Variants in SPIB observed in about 807,000 individuals in gnomAD.
The protein encoded by SPIB is Spi-B transcription factor, also known as transcription factor Spi-B.
A neutral mutation model predicts 31.9 loss-of-function variants in SPIB; 7 were observed. That is an observed-to-expected ratio of 0.22 (90% CI 0.12 to 0.41). The LOEUF (loss-of-function observed/expected upper bound fraction) is 0.41. SPIB is among the 10% of genes least tolerant of loss of function. The pLI is 1.00. For missense variants in SPIB, 327 were observed against 360.2 expected (o/e 0.91, Z 0.75); for synonymous variants, 176 against 158.9 (o/e 1.11, Z -0.81).
Position 50,422,992 on chromosome 19 carries a change from G to T in SPIB, c.294G>T (p.Pro98=). 1 of 1,562,034 alleles carries T rather than the reference G, an allele frequency of 6.4e-7. No homozygotes were observed. Among genetic ancestry groups the T allele is most frequent in the Non-Finnish European group, 8.7e-7 (1 of 1,151,860 alleles). The change falls in exon 4 of 6, where the codon CCG becomes CCT. Residue 98 remains proline (P), a synonymous_variant. Coordinates refer to ENST00000595883, the MANE Select transcript of SPIB (RefSeq NM_003121.5). The stretch of plus-strand genomic sequence containing the variant: ...AACTGGCCCCCAGCCTGGAGGCCCC[G>T]GGGCCTGGCCTCCCTGCATACCCCA... The part of the protein sequence containing the change: ...NLELAPSLEA[P]GPGLPAYPTE...
chr19:50,422,714 G>T, intron 3 of SPIB, 109 bp from the exon 4 acceptor site: 1 of 1,085,320 alleles, frequency 9.2e-7, no homozygotes, highest in Non-Finnish European at 1.4e-6. Flanking sequence ...TGCAAATCCT[G>T]GGGTCAGAGA....
intron 2 of SPIB, among the ~76,000 whole-genome samples, 175 bp downstream of exon 2, chr19:50,420,148 C>T (rs981698637): frequency 2.0e-5 from 3 of 152,246 alleles, no homozygotes; most frequent in Admixed American, 1.3e-4. Flanking sequence ...CTCTCTCCCC[C>T]TCTCAGGCTT....
intron 1 of SPIB, 170 bp from the exon 2 acceptor site, chr19:50,419,776 C>T (rs1485092514): frequency 3.6e-6 from 2 of 556,158 alleles, no homozygotes; most frequent in Non-Finnish European, 6.0e-6. Flanking sequence ...CCCCCACTTC[C>T]TGTCCCAGCA....
At chr19:50,427,886 G>A (rs113427503) in intron 5 of SPIB, 152 bp from the exon 6 acceptor site, 7 of 525,184 alleles carry the variant, frequency 1.3e-5, no homozygotes, top group African/African-American at 4.6e-5. Context: ...GGTGAGGGGC[G>A]CAGAGCCAGG....
chr19:50,424,172 C>T (rs981994008), intron 5 of SPIB, among the ~76,000 whole-genome samples: 1 of 152,194 alleles, frequency 6.6e-6, no homozygotes, highest in Admixed American at 6.5e-5. Flanking sequence ...TTATGCTCAA[C>T]CCCAAGAAAG....
At chr19:50,420,119 G>A (rs747815081) in intron 2 of SPIB, 146 bp downstream of exon 2, 48 of 640,002 alleles carry the variant, frequency 7.5e-5, no homozygotes, top group Non-Finnish European at 8.4e-5. Context: ...CTGCTACCCC[G>A]CATCCGTATT....
intron 2 of SPIB, 60 bp from the exon 3 acceptor site, chr19:50,422,413 G>C: frequency 1.3e-6 from 2 of 1,509,806 alleles, no homozygotes; most frequent in Non-Finnish European, 9.2e-7. Context: ...GGTCCAGGGT[G>C]GGGGTTGGGA....
In SPIB at chr19:50,423,013, C is replaced by T; in HGVS notation, c.315C>T (p.Tyr105=). The stretch of plus-strand genomic sequence containing the variant: ...CCCCGGGGCCTGGCCTCCCTGCATA[C>T]CCCACGGAGAACTTCGCTAGCCAGG... The part of the protein sequence containing the change: ...LEAPGPGLPA[Y]PTENFASQTL... Residue 105 remains tyrosine (Y), a synonymous_variant, in exon 4 of 6, where the codon TAC becomes TAT. Coordinates refer to ENST00000595883, the MANE Select transcript of SPIB (RefSeq NM_003121.5). 1 of 1,507,516 alleles carries T rather than the reference C, an allele frequency of 6.6e-7. No individual in the cohort carries two copies. Among genetic ancestry groups the T allele is most frequent in the Non-Finnish European group, 8.9e-7 (1 of 1,119,682 alleles). 93.4% of individuals were successfully genotyped at this position (1,507,516 alleles called of 1,614,324 possible).
intron 5 of SPIB, among the ~76,000 whole-genome samples, 186 bp from the exon 6 acceptor site, chr19:50,427,849 GAGT>G (rs2039584886): frequency 7.1e-6 from 1 of 140,520 alleles, no homozygotes; most frequent in African/African-American, 2.6e-5. Context: ...CGGGCAGGGG[GAGT>G]GGCTTGCCCC....
At chr19:50,426,027 G>T (rs1180379966) in intron 5 of SPIB, among the ~76,000 whole-genome samples, 2 of 152,024 alleles carry the variant, frequency 1.3e-5, no homozygotes, top group Admixed American at 6.6e-5. Context: ...TAGCCAACAT[G>T]GTGAAACCCC....
Position 50,422,995 on chromosome 19 carries a change from G to A in SPIB, c.297G>A (p.Gly99=). The A allele has an allele frequency of 6.4e-7, 1 of 1,558,286 alleles. No homozygotes were observed. Among genetic ancestry groups the A allele is most frequent in the Non-Finnish European group, 8.7e-7 (1 of 1,150,498 alleles). Residue 99 remains glycine (G), a synonymous_variant, in exon 4 of 6, where the codon GGG becomes GGA. Transcript: ENST00000595883. Reference sequence around the variant, plus strand: ...TGGCCCCCAGCCTGGAGGCCCCGGGGCCTGGCCTCCCTGCATACCCCACGG... The same window carrying A: ...TGGCCCCCAGCCTGGAGGCCCCGGGACCTGGCCTCCCTGCATACCCCACGG... ...LELAPSLEAP[G]PGLPAYPTEN...
Position 50,428,261 on chromosome 19 carries a change from C to T in SPIB, c.714C>T (p.Gly238=). ...CCCTCCGAAACTACGCCAAGACCGG[C>T]GAGATCCGCAAGGTCAAGCGCAAGC... The part of the protein sequence containing the change: ...ARALRNYAKT[G]EIRKVKRKLT... The change falls in exon 6 of 6, where the codon GGC becomes GGT. Residue 238 remains glycine (G), a synonymous_variant. Coordinates refer to ENST00000595883, the MANE Select transcript of SPIB (RefSeq NM_003121.5). This position sits in a 1 kb window ranked among gnomAD's most constrained non-coding sequence, Gnocchi z 6.5. 2 of 1,553,676 alleles carry T rather than the reference C, an allele frequency of 1.3e-6. No homozygotes were observed. Among genetic ancestry groups the T allele is most frequent in the Non-Finnish European group, 8.7e-7 (1 of 1,148,158 alleles).
Position 50,430,694 on chromosome 19 carries a change from A to T in SPIB, c.*2358A>T, listed in dbSNP as rs1226232538. The T allele has an allele frequency of 6.6e-6, 1 of 152,266 alleles. No individual in the cohort carries two copies. The highest frequency in any genetic ancestry group is 1.5e-5 in the Non-Finnish European group (1 of 68,228). 9.4% of individuals were successfully genotyped at this position (152,266 alleles called of 1,614,324 possible). Reference sequence around the variant, plus strand: ...GAGGCGGAGGTTGTAGTGAGCTGAGATCACACCACTGCACACCAGCCTGGG... The same window carrying T: ...GAGGCGGAGGTTGTAGTGAGCTGAGTTCACACCACTGCACACCAGCCTGGG... On this transcript the variant is annotated 3_prime_UTR_variant, in exon 6 of 6. Coordinates refer to ENST00000595883, the MANE Select transcript of SPIB (RefSeq NM_003121.5).
In SPIB at chr19:50,422,458, T is replaced by C. The variant is rs2039507839; in HGVS notation, c.52-15T>C. 3.1e-6 allele frequency: 5 copies of C among 1,613,276 alleles called. No homozygotes were observed. The South Asian group carries it at 5.5e-5, about 18-fold the overall frequency. ...GCCTGGGATGACCCCTCTTCCCTCC[T>C]GCACCCCGTATCAGTACCCAGATGG... On this transcript the variant is annotated splice_polypyrimidine_tract_variant and intron_variant, in intron 2 of 5. Coordinates refer to ENST00000595883, the MANE Select transcript of SPIB (RefSeq NM_003121.5).
intron 2 of SPIB, among the ~76,000 whole-genome samples, chr19:50,421,470 G>A (rs1011014961): frequency 4.0e-5 from 6 of 150,004 alleles, no homozygotes; most frequent in Non-Finnish European, 7.4e-5. Flanking sequence ...CTACAGGTGC[G>A]CACCACCATG....
rs1351981034 is a variant in SPIB, at chr19:50,428,326, G to T, written c.779G>T (p.Arg260Leu). 6.5e-7 allele frequency: 1 copy of T among 1,546,662 alleles called. No individual in the cohort carries two copies. Among genetic ancestry groups the T allele is most frequent in the Non-Finnish European group, 8.7e-7 (1 of 1,144,700 alleles). ...QFDSALLPAV[R>L]RA ...GACAGCGCGCTGCTGCCTGCAGTCC[G>T]CCGGGCCTGAGCACACCCGAGGCTC... Residue 260 changes from arginine to leucine, a missense_variant, in exon 6 of 6, where the codon CGC (arginine) becomes CTC (leucine). By Grantham distance (102) the Arg-to-Leu change is moderately radical (BLOSUM62 -2). Coordinates refer to ENST00000595883, the MANE Select transcript of SPIB (RefSeq NM_003121.5). This position sits in a 1 kb window ranked among gnomAD's most constrained non-coding sequence, Gnocchi z 6.5.
Position 50,422,538 on chromosome 19 carries a change from G to A in SPIB, c.117G>A (p.Gly39=). 1.9e-6 allele frequency: 3 copies of A among 1,613,884 alleles called. No homozygotes were observed. The highest frequency in any genetic ancestry group is 2.2e-5 in the South Asian group (2 of 91,078). The change falls in exon 3 of 6, where the codon GGG becomes GGA. Residue 39 remains glycine, a synonymous_variant. Coordinates refer to ENST00000595883, the MANE Select transcript of SPIB (RefSeq NM_003121.5). ...ATTCCAGCTACCCTGATTCAGAGGG[G>A]GCTCCTGGTGAGTGACCCCAGCCCT... ...CKHSSYPDSE[G]APDSLWDWTV... is the part of the protein sequence containing the mutation.
chr19:50,425,489 G>A (rs2039553605), intron 5 of SPIB, among the ~76,000 whole-genome samples: 1 of 152,166 alleles, frequency 6.6e-6, no homozygotes, highest in Non-Finnish European at 1.5e-5. Context: ...CACCCAGGCT[G>A]AAGCGCAGTG....
chr19:50,427,868 C>G (rs964290848), intron 5 of SPIB, among the ~76,000 whole-genome samples, 170 bp from the exon 6 acceptor site: 759 of 55,366 alleles, frequency 0.014, 16 homozygotes, highest in South Asian at 0.074. Flanking sequence ...GCCCCCCCCC[C>G]CCCCCGTGGT....
Sources: allele counts gnomAD v4.1 joint callset (sites outside exome capture counted in the v4.1 genomes callset), GRCh38; gene constraint gnomAD v4.1.1; non-coding constraint Gnocchi (gnomAD v3.1); transcripts MANE v1.5; gene names NCBI Gene and HGNC (gene_info 2026-07-23, HGNC 2026-07-21).